ZNF627: variants seen among roughly 807,000 people sequenced by gnomAD.
ZNF627 encodes zinc finger protein 627.
In ZNF627, 12 loss-of-function variants were observed where a neutral mutation model predicts 10.6. The ratio of observed to expected loss-of-function variants is 1.13; its 90% CI spans 0.73 to 1.84. The LOEUF is 1.84. Among genes scored for constraint, ZNF627 ranks in the 40% most tolerant of loss-of-function variants. The pLI is 0.00. For missense variants in ZNF627, 504 were observed against 568.4 expected (o/e 0.89, Z 1.15); for synonymous variants, 176 against 187.1 (o/e 0.94, Z 0.48).
intron 1 of ZNF627, among the ~76,000 whole-genome samples, chr19:11,602,337 G>A (rs1489485356): frequency 6.6e-6 from 1 of 152,166 alleles, no homozygotes; most frequent in Non-Finnish European, 1.5e-5. Flanking sequence ...GAAAATAAAG[G>A]GAATTTCTAG....
intron 1 of ZNF627, among the ~76,000 whole-genome samples, chr19:11,598,732 G>A (rs1218488418): frequency 2.0e-5 from 3 of 152,096 alleles, no homozygotes; most frequent in African/African-American, 7.2e-5. Context: ...ATTTTTTCAA[G>A]GAGCAATCGA....
At chr19:11,602,454 GTTTC>G (rs1223080700) in intron 1 of ZNF627, among the ~76,000 whole-genome samples, 1 of 152,178 alleles carries the variant, frequency 6.6e-6, no homozygotes, top group Non-Finnish European at 1.5e-5. Context: ...AGACGGGGGA[GTTTC>G]TTTAACCATA....
At chr19:11,608,970 C>A (rs1437432936) in intron 1 of ZNF627, among the ~76,000 whole-genome samples, 1 of 152,110 alleles carries the variant, frequency 6.6e-6, no homozygotes, top group African/African-American at 2.4e-5. Context: ...CTTCTGAGTT[C>A]AAGCCATCCT....
In ZNF627 at chr19:11,615,716, C is replaced by CTTT. The variant is rs773368615; in HGVS notation, c.191+844_191+846dup. Among the ~76,000 whole-genome samples, 1,492 of 131,408 alleles carry CTTT rather than the reference C, an allele frequency of 0.011. 80 individuals carry two copies. The East Asian group carries it at 0.12, about 11-fold the overall frequency. The allele number at this position is 131,408 out of a possible 152,430, so 86.2% of individuals were successfully genotyped here. ...GTATTAAGAAACTTCATACGAATAT[C>CTTT]TTTTTTTTTTTTTTTTTGAGAGGGA... On this transcript the variant is annotated intron_variant, in intron 3 of 3. Transcript: ENST00000361113.
chr19:11,597,858 CG>C (rs1234297337), intron 1 of ZNF627, among the ~76,000 whole-genome samples: 1 of 152,190 alleles, frequency 6.6e-6, no homozygotes, highest in African/African-American at 2.4e-5. Context: ...CCACATGGTG[CG>C]GGGGCCGCGG....
rs1973914295 is a variant in ZNF627, at chr19:11,618,258, TATG to T, written c.*370_*372del. ...GAGACAGCTGTGTGAATACAGGCTG[TATG>T]GACACTTGCTTCCATCCCATTTTCC... is the stretch of plus-strand genomic sequence containing the variant. On this transcript the variant is annotated 3_prime_UTR_variant, in exon 4 of 4. Coordinates refer to ENST00000361113, the MANE Select transcript of ZNF627 (RefSeq NM_145295.4). 2 of 184,096 alleles carry T rather than the reference TATG, an allele frequency of 1.1e-5. No homozygotes were observed. The highest frequency in any genetic ancestry group is 2.2e-5 in the Non-Finnish European group (2 of 89,906). 11.4% of individuals were successfully genotyped at this position (184,096 alleles called of 1,614,324 possible). A position where few individuals can be genotyped will look rare whatever the true frequency, so the allele number is the denominator to read the frequency against.
At chr19:11,610,770 G>A (rs1483425404) in intron 1 of ZNF627, among the ~76,000 whole-genome samples, 1 of 152,138 alleles carries the variant, frequency 6.6e-6, no homozygotes, top group African/African-American at 2.4e-5. Context: ...CTTATGGAGC[G>A]CCTTTCTGTT....
chr19:11,600,663 CAG>C (rs1258287270), intron 1 of ZNF627, among the ~76,000 whole-genome samples: 4 of 152,080 alleles, frequency 2.6e-5, no homozygotes, highest in Admixed American at 6.6e-5. Flanking sequence ...TGGTGAATTA[CAG>C]AGATTCACCA....
chr19:11,610,709 C>T (rs1349560567), intron 1 of ZNF627, among the ~76,000 whole-genome samples: 1 of 152,158 alleles, frequency 6.6e-6, no homozygotes, highest in African/African-American at 2.4e-5. Flanking sequence ...CCCCAATAGA[C>T]TGTCCATTTG....
chr19:11,616,595 G>C, intron 3 of ZNF627, 100 bp from the exon 4 acceptor site: 1 of 816,802 alleles, frequency 1.2e-6, no homozygotes, highest in Non-Finnish European at 1.8e-6. Flanking sequence ...TTCTGTCTCT[G>C]TATTTAAAAA....
At chr19:11,603,348 T>C (rs1426494369) in intron 1 of ZNF627, among the ~76,000 whole-genome samples, 1 of 147,190 alleles carries the variant, frequency 6.8e-6, no homozygotes, top group Non-Finnish European at 1.5e-5. Context: ...GCAGTGGCGC[T>C]CTTGGCTCAC....
intron 1 of ZNF627, among the ~76,000 whole-genome samples, chr19:11,602,816 C>T (rs1053620888): frequency 1.3e-5 from 2 of 152,136 alleles, no homozygotes; most frequent in African/African-American, 2.4e-5. Flanking sequence ...GGTAAGTGTT[C>T]GCTGGTGAGA....
intron 1 of ZNF627, among the ~76,000 whole-genome samples, chr19:11,607,437 G>T (rs1973694227): frequency 6.6e-6 from 1 of 151,158 alleles, no homozygotes; most frequent in Admixed American, 6.6e-5. Flanking sequence ...GCCTGGCTGG[G>T]TTTTTTTTTC....
intron 1 of ZNF627, among the ~76,000 whole-genome samples, chr19:11,610,797 T>G (rs766861119): frequency 7.2e-5 from 11 of 152,300 alleles, no homozygotes; most frequent in Non-Finnish European, 1.2e-4. Flanking sequence ...ATGGGATGCT[T>G]CTTGATTCGT....
chr19:11,602,139 C>T (rs1318792075), intron 1 of ZNF627, among the ~76,000 whole-genome samples: 1 of 151,660 alleles, frequency 6.6e-6, no homozygotes. Flanking sequence ...GTGCAAAATC[C>T]CACCTAGATC....
chr19:11,604,259 A>G (rs139316397), intron 1 of ZNF627: 2 of 152,214 alleles, frequency 1.3e-5, no homozygotes, highest in East Asian at 3.9e-4. Flanking sequence ...AACGACTTGC[A>G]AATCCTGTGT....
Position 11,617,242 on chromosome 19 carries a change from G to A in ZNF627, c.739G>A (p.Gly247Arg). Residue 247 changes from glycine to arginine, a missense_variant, in exon 4 of 4, where the codon GGA (glycine) becomes AGA (arginine). Gly to Arg is a moderately radical substitution (Grantham distance 125). Transcript: ENST00000361113. Reference protein sequence around the residue: ...YIRIHERTHTGDKPYECKQCG... With the variant: ...YIRIHERTHTRDKPYECKQCG... Reference sequence around the variant, plus strand: ...TAGAATACATGAAAGGACTCACACTGGAGATAAACCCTATGAATGCAAGCA... The same window carrying A: ...TAGAATACATGAAAGGACTCACACTAGAGATAAACCCTATGAATGCAAGCA... 1 of 1,613,848 alleles carries A rather than the reference G, an allele frequency of 6.2e-7. No individual in the cohort carries two copies. The highest frequency in any genetic ancestry group is 8.5e-7 in the Non-Finnish European group (1 of 1,179,984).
intron 1 of ZNF627, among the ~76,000 whole-genome samples, chr19:11,609,247 G>A (rs148622675): frequency 9.7e-4 from 147 of 151,998 alleles, no homozygotes; most frequent in African/African-American, 3.5e-3. Context: ...CAGTTTAGTA[G>A]TGTTAACTAT....
At chr19:11,607,405 G>C (rs1475974637) in intron 1 of ZNF627, among the ~76,000 whole-genome samples, 1 of 152,096 alleles carries the variant, frequency 6.6e-6, no homozygotes, top group East Asian at 1.9e-4. Flanking sequence ...CAAGGTGCTG[G>C]ATTACAGGCA....
Sources: allele counts gnomAD v4.1 joint callset (sites outside exome capture counted in the v4.1 genomes callset), GRCh38; gene constraint gnomAD v4.1.1; transcripts MANE v1.5; gene names NCBI Gene and HGNC (gene_info 2026-07-23, HGNC 2026-07-21).